The following MACROD2 variants were observed in gnomAD, a reference collection of about 807,000 sequenced individuals.
The protein encoded by MACROD2 is mono-ADP ribosylhydrolase 2, also known as ADP-ribose glycohydrolase MACROD2.
MACROD2 carries 36 observed loss-of-function variants against 70.4 expected under a neutral mutation model. The observed-to-expected ratio is 0.51, with a 90% CI of 0.39 to 0.68. The LOEUF is 0.68. MACROD2 is among the 30% of genes least tolerant of loss of function. MACROD2 has a pLI of 0.00. For missense variants in MACROD2, 496 were observed against 538.4 expected, an observed-to-expected ratio of 0.92 and a Z score of 0.78; for synonymous variants, 172 against 178.8, an observed-to-expected ratio of 0.96 and a Z score of 0.30.
intron 5 of MACROD2, among the ~76,000 whole-genome samples, chr20:15,018,298 A>G (rs1165276641): frequency 6.6e-6 from 1 of 152,232 alleles, no homozygotes; most frequent in Non-Finnish European, 1.5e-5. Context: ...AAACATAACA[A>G]GAGTCACCTT....
At chr20:14,230,678 T>A (rs868136736) in intron 3 of MACROD2, among the ~76,000 whole-genome samples, 1 of 107,716 alleles carries the variant, frequency 9.3e-6, no homozygotes. Context: ...CCTATATATA[T>A]ATATATATAT....
intron 3 of MACROD2, among the ~76,000 whole-genome samples, chr20:14,186,950 T>C (rs537388562): frequency 1.3e-5 from 2 of 152,018 alleles, no homozygotes; most frequent in Middle Eastern, 3.2e-3. Flanking sequence ...TGGGGACTAT[T>C]TGAGGGCGGA....
chr20:15,414,834 T>C (rs539995059), intron 6 of MACROD2, among the ~76,000 whole-genome samples: 1 of 152,358 alleles, frequency 6.6e-6, no homozygotes, highest in East Asian at 1.9e-4. Flanking sequence ...CACAGATCAG[T>C]AACATTAGCA....
intron 2 of MACROD2, among the ~76,000 whole-genome samples, chr20:14,004,985 A>G (rs2052793509): frequency 6.6e-6 from 1 of 152,028 alleles, no homozygotes; most frequent in East Asian, 1.9e-4. Context: ...ATTGCTTTTA[A>G]TTTTTTTCTT....
intron 5 of MACROD2, among the ~76,000 whole-genome samples, chr20:15,061,302 G>A (rs1347848747): frequency 1.3e-5 from 2 of 152,166 alleles, no homozygotes; most frequent in East Asian, 3.9e-4. Context: ...CAGGCAGCAG[G>A]AACCTTTCAC....
chr20:14,601,186 C>T (rs1383311948), intron 4 of MACROD2, among the ~76,000 whole-genome samples: 3 of 152,086 alleles, frequency 2.0e-5, no homozygotes, highest in Admixed American at 1.3e-4. Flanking sequence ...AGCAGTGGTC[C>T]CCAACCTTCT....
chr20:15,313,828 G>A (rs1050165599), intron 6 of MACROD2, among the ~76,000 whole-genome samples: 10 of 152,094 alleles, frequency 6.6e-5, no homozygotes, highest in African/African-American at 2.4e-4. Flanking sequence ...AACCAAAAAC[G>A]CATATGAGCA....
intron 5 of MACROD2, among the ~76,000 whole-genome samples, chr20:14,818,825 GTTTTTTT>G (rs754477468): frequency 0.096 from 7,520 of 78,226 alleles, 340 homozygotes; most frequent in East Asian, 0.28. Context: ...TCTTCCTTAG[GTTTTTTT>G]TTTTTTTTTT....
chr20:14,395,593 C>T lies in MACROD2; in HGVS notation c.272-97886C>T, dbSNP rs555577217. 2.0e-5 allele frequency among the ~76,000 whole-genome samples: 3 copies of T among 151,868 alleles called. No individual in the cohort carries two copies. The South Asian group carries it at 6.2e-4, about 32-fold the overall frequency. On this transcript the variant is annotated intron_variant, in intron 3 of 17. Coordinates refer to ENST00000684519, the MANE Select transcript of MACROD2 (RefSeq NM_001351661.2). ...TTTTGTTTTTTATTTAATTCATTTC[C>T]ACTTTGATATTCAGTATTTATTTTC...
chr20:14,269,713 T>G (rs1326263622), intron 3 of MACROD2, among the ~76,000 whole-genome samples: 3 of 152,146 alleles, frequency 2.0e-5, no homozygotes, highest in Non-Finnish European at 4.4e-5. Context: ...TGGATAAAAT[T>G]TGAAGGATTT....
At chr20:14,807,142 A>G (rs996569691) in intron 5 of MACROD2, among the ~76,000 whole-genome samples, 1 of 152,110 alleles carries the variant, frequency 6.6e-6, no homozygotes, top group Non-Finnish European at 1.5e-5. Flanking sequence ...GTGCCTCCCA[A>G]CGGGGAGACA....
At position 14,838,443 on chromosome 20, in the gene MACROD2, A is replaced by G. The variant is rs373448158; in HGVS notation, c.418+153484A>G. The stretch of plus-strand genomic sequence containing the variant: ...GGTGCCTTGTGGAATATCTTGTGTT[A>G]GTTGACTAATTCTTGTCCTCATTAT... On this transcript the variant is annotated intron_variant, in intron 5 of 17. Transcript: ENST00000684519. 1.4e-3 allele frequency among the ~76,000 whole-genome samples: 209 copies of G among 152,234 alleles called. 7 individuals are homozygous for G. In the South Asian group the frequency reaches 0.04, roughly 29 times the overall value.
chr20:14,099,593 TAAG>T (rs1227206855), intron 3 of MACROD2, among the ~76,000 whole-genome samples: 1 of 152,170 alleles, frequency 6.6e-6, no homozygotes, highest in Non-Finnish European at 1.5e-5. Flanking sequence ...TGAGCGGCCT[TAAG>T]TAGTTTCTAG....
At chr20:14,886,229 T>C (rs2073673559) in intron 5 of MACROD2, among the ~76,000 whole-genome samples, 1 of 152,068 alleles carries the variant, frequency 6.6e-6, no homozygotes, top group East Asian at 1.9e-4. Flanking sequence ...TCTGGGAGAA[T>C]ACTATTCCAG....
At position 15,869,234 on chromosome 20, in the gene MACROD2, T is replaced by TAGAGAGAGAGAGAG. The variant is rs1198181652; in HGVS notation, c.727+6409_727+6410insGAGAGAGAGAGAGA. ...ACATATATATATATATATATATATATATATAGAGAGAGAGAGAGAGAGAGA... is the reference window on the plus strand; with the variant it reads ...ACATATATATATATATATATATATATAGAGAGAGAGAGAGATATAGAGAGAGAGAGAGAGAGAGA... On this transcript the variant is annotated intron_variant, in intron 9 of 17. Transcript: ENST00000684519. Among the ~76,000 whole-genome samples the TAGAGAGAGAGAGAG allele has an allele frequency of 2.8e-4, 9 of 31,678 alleles. 1 individual carries two copies. Among genetic ancestry groups the TAGAGAGAGAGAGAG allele is most frequent in the Non-Finnish European group, 4.5e-4 (5 of 11,206 alleles). 20.8% of individuals were successfully genotyped at this position (31,678 alleles called of 152,430 possible). A position where few individuals can be genotyped will look rare whatever the true frequency, so the allele number is the denominator to read the frequency against.
intron 3 of MACROD2, among the ~76,000 whole-genome samples, chr20:14,138,183 A>G (rs2054824716): frequency 6.6e-6 from 1 of 152,336 alleles, no homozygotes; most frequent in South Asian, 2.1e-4. Context: ...GCCATTATGG[A>G]AAGAAAACAG....
chr20:15,721,943 G>T (rs1027382439), intron 8 of MACROD2, among the ~76,000 whole-genome samples: 3 of 152,062 alleles, frequency 2.0e-5, no homozygotes, highest in Non-Finnish European at 4.4e-5. Context: ...TAAAAATACA[G>T]CATGTTTTTA....
At chr20:15,401,187 A>G (rs1369827506) in intron 6 of MACROD2, among the ~76,000 whole-genome samples, 5 of 151,200 alleles carry the variant, frequency 3.3e-5, no homozygotes, top group South Asian at 2.1e-4. Context: ...ACAGGCGCCC[A>G]CCACCACGCC....
intron 6 of MACROD2, among the ~76,000 whole-genome samples, chr20:15,315,496 A>T (rs1395735316): frequency 6.6e-6 from 1 of 152,184 alleles, no homozygotes; most frequent in African/African-American, 2.4e-5. Context: ...TTAAAAGCAG[A>T]TTTCTCATTC....
Sources: allele counts gnomAD v4.1 joint callset (sites outside exome capture counted in the v4.1 genomes callset), GRCh38; gene constraint gnomAD v4.1.1; transcripts MANE v1.5; gene names NCBI Gene and HGNC (gene_info 2026-07-23, HGNC 2026-07-21).